The following ZNF611 variants were observed in gnomAD, a reference collection of about 807,000 sequenced individuals.
ZNF611 encodes zinc finger protein 611.
In ZNF611, 6 loss-of-function variants were observed where a neutral mutation model predicts 8.9. The ratio of observed to expected loss-of-function variants is 0.68; its 90% CI spans 0.37 to 1.34. ZNF611 has a LOEUF of 1.34. ZNF611 is among the 40% of genes most tolerant of loss of function. The pLI is 0.02. For missense variants in ZNF611, 874 were observed against 841.3 expected (o/e 1.04, Z -0.48); for synonymous variants, 262 against 279.7 (o/e 0.94, Z 0.63).
chr19:52,725,109 A>G (rs1934640748), intron 3 of ZNF611, among the ~76,000 whole-genome samples: 1 of 152,062 alleles, frequency 6.6e-6, no homozygotes, highest in South Asian at 2.1e-4. Context: ...TAAGAGGCCT[A>G]CATCCTGGAG....
intron 5 of ZNF611, among the ~76,000 whole-genome samples, chr19:52,709,471 C>T (rs2062266004): frequency 6.6e-6 from 1 of 152,088 alleles, no homozygotes; most frequent in South Asian, 2.1e-4. Flanking sequence ...AGGGGTTTCA[C>T]CATGTTGGCC....
At position 52,705,694 on chromosome 19, in the gene ZNF611, T is replaced by C. The variant is rs2062236746; in HGVS notation, c.1361A>G (p.Tyr454Cys). 1.2e-6 allele frequency: 2 copies of C among 1,613,894 alleles called. No individual in the cohort carries two copies. Among genetic ancestry groups the C allele is most frequent in the Admixed American group, 1.7e-5 (1 of 59,998 alleles). The change falls in exon 6 of 6, where the codon TAC (tyrosine) becomes TGC (cysteine). Residue 454 changes from tyrosine (Y) to cysteine (C), a missense_variant. Physicochemically the swap from Tyr to Cys is radical, Grantham distance 194 (BLOSUM62 -2). Transcript: ENST00000652185. Reference protein sequence around the residue: ...HHRLHGGEKSYKCKVCDKAFV... With the variant: ...HHRLHGGEKSCKCKVCDKAFV... ...AGCCTTGTCACAAACCTTACATTTG[T>C]AAGATTTCTCTCCACCATGAAGTCT...
At chr19:52,716,535 C>A (rs1003310878) in intron 3 of ZNF611, among the ~76,000 whole-genome samples, 1 of 152,112 alleles carries the variant, frequency 6.6e-6, no homozygotes, top group African/African-American at 2.4e-5. Context: ...CAGTGGATGA[C>A]AAAGGCACAA....
chr19:52,715,958 T>G, intron 3 of ZNF611, 45 bp from the exon 4 acceptor site: 1 of 1,601,816 alleles, frequency 6.2e-7, no homozygotes, highest in East Asian at 2.2e-5. Context: ...AATGACTCAC[T>G]CCCTTCCTGT....
chr19:52,714,283 T>C (rs2062300217), intron 4 of ZNF611, 142 bp from the exon 5 acceptor site: 2 of 1,467,596 alleles, frequency 1.4e-6, no homozygotes, highest in African/African-American at 2.9e-5. Context: ...TTTTGAATAT[T>C]TTTTCCCTAT....
At chr19:52,726,416 C>G (rs1365934466) in intron 3 of ZNF611, among the ~76,000 whole-genome samples, 1 of 152,010 alleles carries the variant, frequency 6.6e-6, no homozygotes, top group African/African-American at 2.4e-5. Context: ...CTTTTCTTTC[C>G]TTTTTATTTA....
At chr19:52,728,634 TGAAAG>T (rs2062406685) in intron 3 of ZNF611, 91 bp downstream of exon 3, 1 of 152,242 alleles carries the variant, frequency 6.6e-6, no homozygotes, top group Non-Finnish European at 1.5e-5. Flanking sequence ...AGAAAAGAAA[TGAAAG>T]GAAAGAAAAT....
chr19:52,710,930 T>C (rs199593963), intron 5 of ZNF611, among the ~76,000 whole-genome samples: 113,517 of 151,606 alleles, frequency 0.75, 43,729 homozygotes, highest in African/African-American at 0.94. Context: ...GGGGATTATG[T>C]CCTGAGGCAG....
chr19:52,718,633 T>C (rs2062333740), intron 3 of ZNF611, among the ~76,000 whole-genome samples: 1 of 150,524 alleles, frequency 6.6e-6, no homozygotes, highest in African/African-American at 2.4e-5. Context: ...ACCCCATCTC[T>C]ACTAAAAATA....
At chr19:52,721,747 G>C (rs1056318403) in intron 3 of ZNF611, among the ~76,000 whole-genome samples, 12 of 151,932 alleles carry the variant, frequency 7.9e-5, no homozygotes, top group African/African-American at 2.7e-4. Context: ...GAGAGGGAGA[G>C]AGAGAGGGAG....
At position 52,705,793 on chromosome 19, in the gene ZNF611, G is replaced by A. The variant is rs1476685781; in HGVS notation, c.1262C>T (p.Thr421Ile). The A allele has an allele frequency of 1.2e-6, 2 of 1,613,728 alleles. No individual in the cohort carries two copies. The highest frequency in any genetic ancestry group is 1.7e-5 in the Admixed American group (1 of 59,968). ...ATTACATTTATAAGTTTTCTTTGCAGTATGAATTCTTCTATGTCGAGCCAG... is the reference window on the plus strand; with the variant it reads ...ATTACATTTATAAGTTTTCTTTGCAATATGAATTCTTCTATGTCGAGCCAG... ...SQLARHRRIH[T>I]AKKTYKCNEC... The change falls in exon 6 of 6, where the codon ACT becomes ATT. Residue 421 changes from threonine to isoleucine, a missense_variant. By Grantham distance (89) the Thr-to-Ile change is moderately conservative. Coordinates refer to ENST00000652185, the MANE Select transcript of ZNF611 (RefSeq NM_001161499.2).
chr19:52,733,572 G>A (rs1324015881), intron 1 of ZNF611, among the ~76,000 whole-genome samples: 3 of 23,000 alleles, frequency 1.3e-4, no homozygotes, highest in East Asian at 1.7e-3. Flanking sequence ...AAAGTGTGGA[G>A]ACTACAGACT....
intron 2 of ZNF611, chr19:52,729,043 C>T (rs978482628): frequency 2.0e-5 from 3 of 152,208 alleles, no homozygotes; most frequent in Admixed American, 6.6e-5. Flanking sequence ...ATTTCCAATA[C>T]CATGACAAAA....
intron 3 of ZNF611, among the ~76,000 whole-genome samples, chr19:52,719,946 T>C (rs189608343): frequency 1.3e-3 from 192 of 152,324 alleles, no homozygotes; most frequent in African/African-American, 4.4e-3. Flanking sequence ...CCTGGGTACT[T>C]GAGATTAGGG....
At chr19:52,718,312 C>T (rs1167051911) in intron 3 of ZNF611, among the ~76,000 whole-genome samples, 1 of 152,018 alleles carries the variant, frequency 6.6e-6, no homozygotes, top group Non-Finnish European at 1.5e-5. Flanking sequence ...TGCACACCAG[C>T]CTGGGTGACA....
rs2062226497 is a variant in ZNF611 at position 52,704,614 on chromosome 19, T to C, written c.*323A>G. 1 of 1,581,940 alleles carries C rather than the reference T, an allele frequency of 6.3e-7. No individual in the cohort carries two copies. Among genetic ancestry groups the C allele is most frequent in the Non-Finnish European group, 8.7e-7 (1 of 1,152,340 alleles). ...ACATTTATTACACTTGTAAGATCTC[T>C]CTTCATTATGGATTCTCCAATGATT... On this transcript the variant is annotated 3_prime_UTR_variant, in exon 6 of 6. Transcript: ENST00000652185.
At position 52,706,026 on chromosome 19, in the gene ZNF611, G is replaced by C. The variant is rs1163201236; in HGVS notation, c.1029C>G (p.Tyr343Ter). Residue 343 changes from tyrosine to a stop codon, truncating the protein, a stop_gained, in exon 6 of 6, where the codon TAC (tyrosine) becomes TAG (stop). Transcript: ENST00000652185. LOFTEE classifies it low-confidence loss of function (END_TRUNC). ...DKAIDTGENP[Y>*]KCNECDKAFN... The stretch of plus-strand genomic sequence containing the variant: ...AAGCCTTGTCACATTCATTACACTT[G>C]TAAGGATTTTCTCCAGTATCAATTG... 6.2e-7 allele frequency: 1 copy of C among 1,614,154 alleles called. No individual in the cohort carries two copies. Among genetic ancestry groups the C allele is most frequent in the South Asian group, 1.1e-5 (1 of 91,084 alleles).
rs553237558 is a variant in ZNF611, at chr19:52,702,850, A to T, written c.*2087T>A. ...TTGATGTTTAGTTAAAAGGCCACTG[A>T]CATATTTACCAAGTACACACTGAAA... On this transcript the variant is annotated 3_prime_UTR_variant, in exon 6 of 6. Coordinates refer to ENST00000652185, the MANE Select transcript of ZNF611 (RefSeq NM_001161499.2). 1 of 152,354 alleles carries T rather than the reference A, an allele frequency of 6.6e-6. No homozygotes were observed. The highest frequency in any genetic ancestry group is 1.5e-5 in the Non-Finnish European group (1 of 68,046). 9.4% of individuals were successfully genotyped at this position (152,354 alleles called of 1,614,324 possible). A position where few individuals can be genotyped will look rare whatever the true frequency, so the allele number is the denominator to read the frequency against.
At chr19:52,723,763 G>C (rs1432729604) in intron 3 of ZNF611, 2 of 152,252 alleles carry the variant, frequency 1.3e-5, no homozygotes, top group African/African-American at 4.8e-5. Flanking sequence ...CCATCTCAGA[G>C]AGGGGGATGT....
Sources: gnomAD v4.1 joint callset for allele counts (sites outside exome capture counted in the v4.1 genomes callset) on GRCh38, gnomAD v4.1.1 for gene constraint, MANE v1.5 for transcripts, NCBI Gene and HGNC (gene_info 2026-07-23, HGNC 2026-07-21) for gene names.